Variants in SHANK2 observed in about 807,000 individuals in gnomAD.
SHANK2 encodes the protein SH3 and multiple ankyrin repeat domains 2, also known as SH3 and multiple ankyrin repeat domains protein 2.
Under a neutral mutation model 133.7 loss-of-function variants are expected in SHANK2, and 43 were observed. The observed-to-expected ratio is 0.32, with a 90% CI of 0.25 to 0.41. The LOEUF is 0.41. Ranked by LOEUF, SHANK2 falls within the 10% of genes least tolerant of loss-of-function variation. SHANK2 has a pLI of 1.00. For synonymous variants in SHANK2, 1,017 were observed against 952.8 expected, an observed-to-expected ratio of 1.07 and a Z score of -1.24; for missense variants, 1,994 against 2,235.8, an observed-to-expected ratio of 0.89 and a Z score of 2.18.
intron 17 of SHANK2, among the ~76,000 whole-genome samples, chr11:70,529,115 G>A (rs905485347): frequency 4.6e-5 from 7 of 152,082 alleles, no homozygotes; most frequent in South Asian, 2.1e-4. Flanking sequence ...AGTAAGAAAC[G>A]GGTGCCTGGG....
intron 10 of SHANK2, among the ~76,000 whole-genome samples, chr11:70,929,524 C>T (rs782525944): frequency 9.9e-5 from 15 of 152,202 alleles, no homozygotes; most frequent in South Asian, 4.2e-4. Flanking sequence ...TTCTAGAGGC[C>T]ATCTGCATTT....
intron 10 of SHANK2, among the ~76,000 whole-genome samples, chr11:71,056,235 A>T (rs955684265): frequency 3.1e-4 from 47 of 152,320 alleles, no homozygotes; most frequent in Admixed American, 2.6e-3. Flanking sequence ...TGACTGCTGC[A>T]TGCATTTCCA....
intron 17 of SHANK2, among the ~76,000 whole-genome samples, chr11:70,649,899 T>C (rs1555009665): frequency 6.6e-6 from 1 of 152,210 alleles, no homozygotes; most frequent in Non-Finnish European, 1.5e-5. Flanking sequence ...TCAGCTTAGA[T>C]TCAGACCTCC....
At chr11:70,623,179 CA>C (rs1344924495) in intron 17 of SHANK2, among the ~76,000 whole-genome samples, 73 of 145,776 alleles carry the variant, frequency 5.0e-4, no homozygotes, top group East Asian at 1.4e-3. Context: ...TCGTCTCAAT[CA>C]AAAAAAAAAA....
intron 17 of SHANK2, among the ~76,000 whole-genome samples, chr11:70,505,130 T>C (rs1171856899): frequency 6.6e-6 from 1 of 152,020 alleles, no homozygotes; most frequent in Non-Finnish European, 1.5e-5. Flanking sequence ...AAAAGGAGAC[T>C]GAACAGAGGC....
At chr11:71,120,822 C>T (rs1157225155) in intron 3 of SHANK2, among the ~76,000 whole-genome samples, 2 of 152,188 alleles carry the variant, frequency 1.3e-5, no homozygotes, top group South Asian at 2.1e-4. Context: ...CTTCTAGGCC[C>T]CTCCAATTCA....
At chr11:70,567,629 CA>C (rs2059984399) in intron 17 of SHANK2, among the ~76,000 whole-genome samples, 1 of 136,652 alleles carries the variant, frequency 7.3e-6, no homozygotes, top group East Asian at 2.1e-4. Context: ...TCTTGTCTCA[CA>C]AAAGAAAAAA....
chr11:71,132,993 A>G (rs12281887), intron 3 of SHANK2, among the ~76,000 whole-genome samples: 14,760 of 152,188 alleles, frequency 0.097, 1,795 homozygotes, highest in African/African-American at 0.29. Context: ...TAATGAAACC[A>G]CAATCAGATT....
At chr11:71,217,317 C>A (rs1013755952) in intron 2 of SHANK2, among the ~76,000 whole-genome samples, 1 of 151,976 alleles carries the variant, frequency 6.6e-6, no homozygotes, top group Admixed American at 6.6e-5. Flanking sequence ...ACCAGCCTGG[C>A]CAACATGGAG....
At chr11:70,887,943 G>A (rs1949773275) in intron 11 of SHANK2, among the ~76,000 whole-genome samples, 1 of 152,174 alleles carries the variant, frequency 6.6e-6, no homozygotes, top group Non-Finnish European at 1.5e-5. Flanking sequence ...CAAAGCATGA[G>A]CCAACAGCCT....
At position 70,955,550 on chromosome 11, in the gene SHANK2, C is replaced by T. The variant is rs924313266; in HGVS notation, c.1108-58983G>A. Among the ~76,000 whole-genome samples, 11 of 151,346 alleles carry T rather than the reference C, an allele frequency of 7.3e-5. No individual in the cohort carries two copies. The South Asian group carries it at 8.4e-4, about 12-fold the overall frequency. On this transcript the variant is annotated intron_variant, in intron 10 of 25. Transcript: ENST00000601538. ...TATATTTGTGTATGTGTGTACTTTA[C>T]GTGTGTATGTGTACACATGCAAAGA... is the stretch of plus-strand genomic sequence containing the variant.
At chr11:70,603,226 A>G (rs1173496544) in intron 17 of SHANK2, 1 of 152,378 alleles carries the variant, frequency 6.6e-6, no homozygotes, top group Non-Finnish European at 1.5e-5. Context: ...ACCATGGGCC[A>G]TGTACACCAG....
intron 12 of SHANK2, among the ~76,000 whole-genome samples, chr11:70,809,123 C>A (rs1555052675): frequency 1.3e-5 from 2 of 152,248 alleles, no homozygotes; most frequent in Non-Finnish European, 2.9e-5. Context: ...AACGCATCTA[C>A]ACGGAGGAAG....
chr11:70,792,270 G>C (rs1555048195), intron 14 of SHANK2, among the ~76,000 whole-genome samples: 1 of 147,110 alleles, frequency 6.8e-6, no homozygotes, highest in African/African-American at 2.5e-5. Context: ...CAGCCAGCTA[G>C]CCAGCCAGCC....
chr11:70,672,663 C>G (rs1944835057), intron 15 of SHANK2, among the ~76,000 whole-genome samples: 1 of 152,242 alleles, frequency 6.6e-6, no homozygotes, highest in African/African-American at 2.4e-5. Flanking sequence ...AGCCCTCCAG[C>G]TTTTCTCTCT....
Position 70,807,941 on chromosome 11 carries a change from T to C in SHANK2, c.1494-770A>G, listed in dbSNP as rs145826794. ...AACACAGACTGTGTGATCCCAGCCA[T>C]GCGAGGGCCCGAGAGCAGTCAGATT... On this transcript the variant is annotated intron_variant, in intron 12 of 25. Coordinates refer to ENST00000601538, the MANE Select transcript of SHANK2 (RefSeq NM_012309.5). This position sits in a 1 kb window ranked among gnomAD's most constrained non-coding sequence, Gnocchi z 4.8. 2.5e-3 allele frequency among the ~76,000 whole-genome samples: 373 copies of C among 152,138 alleles called. No homozygotes were observed. Among genetic ancestry groups the C allele is most frequent in the Middle Eastern group, 0.021 (6 of 292 alleles).
chr11:71,067,861 C>G (rs1341971139), intron 9 of SHANK2, among the ~76,000 whole-genome samples: 1 of 151,344 alleles, frequency 6.6e-6, no homozygotes, highest in African/African-American at 2.4e-5. Context: ...TGACCACTGT[C>G]ACCATCACCA....
At chr11:70,627,081 G>T (rs1421787733) in intron 17 of SHANK2, among the ~76,000 whole-genome samples, 1 of 152,196 alleles carries the variant, frequency 6.6e-6, no homozygotes, top group Non-Finnish European at 1.5e-5. Flanking sequence ...GGGGGACTTT[G>T]TCCCTGAAGT....
intron 11 of SHANK2, among the ~76,000 whole-genome samples, chr11:70,880,154 T>C (rs1369072507): frequency 2.6e-5 from 4 of 152,220 alleles, no homozygotes; most frequent in African/African-American, 4.8e-5. Context: ...CCTGCTAGCC[T>C]GGGCATAGAT....
Sources: gnomAD v4.1 joint callset for allele counts (sites outside exome capture counted in the v4.1 genomes callset) on GRCh38, gnomAD v4.1.1 for gene constraint, Gnocchi (gnomAD v3.1) non-coding constraint, MANE v1.5 for transcripts, NCBI Gene and HGNC (gene_info 2026-07-23, HGNC 2026-07-21) for gene names.